The following FKBP4 variants were observed in gnomAD, a reference collection of about 807,000 sequenced individuals.
FKBP4 encodes the protein peptidyl-prolyl cis-trans isomerase FKBP4.
In FKBP4, 28 loss-of-function variants were observed where a neutral mutation model predicts 54.1. That is an observed-to-expected ratio of 0.52 (90% confidence interval 0.38 to 0.71). The LOEUF (loss-of-function observed/expected upper bound fraction) is 0.71. FKBP4 is among the 30% of genes least tolerant of loss of function. The probability of loss-of-function intolerance (pLI) is 0.00; values close to 1 mark genes in which losing one functional copy is unlikely to be tolerated. For synonymous variants in FKBP4, 223 were observed against 216.1 expected, an observed-to-expected ratio of 1.03 and a Z score of -0.28; for missense variants, 493 against 574.4, an observed-to-expected ratio of 0.86 and a Z score of 1.45.
intron 1 of FKBP4, chr12:2,796,590 C>A: frequency 8.5e-7 from 1 of 1,176,076 alleles, no homozygotes; most frequent in Admixed American, 3.8e-5. Context: ...CCATGGAGAG[C>A]CTCCGGGTTC....
intron 1 of FKBP4, chr12:2,796,626 C>G: frequency 8.7e-7 from 1 of 1,148,074 alleles, no homozygotes; most frequent in South Asian, 1.8e-5. Flanking sequence ...TCTTCCTTAC[C>G]TGTTTTGAAC....
Position 2,796,418 on chromosome 12 carries a change from A to T in FKBP4, c.106-720A>T, listed in dbSNP as rs539483350. On this transcript the variant is annotated intron_variant, in intron 1 of 9. Coordinates refer to ENST00000001008, the MANE Select transcript of FKBP4 (RefSeq NM_002014.4). The stretch of plus-strand genomic sequence containing the variant: ...ATCATTCCTTCCCTTTTACCTTTCT[A>T]CTCCTCAAAGCCCCTGTCTATTCTT... 24 of 1,279,360 alleles carry T rather than the reference A, an allele frequency of 1.9e-5. 1 individual carries two copies. In the South Asian group the frequency reaches 2.9e-4, roughly 15 times the overall value. The allele number at this position is 1,279,360 out of a possible 1,614,324, so 79.3% of individuals were successfully genotyped here. A position where few individuals can be genotyped will look rare whatever the true frequency, so the allele number is the denominator to read the frequency against.
At position 2,797,753 on chromosome 12, in the gene FKBP4, T is replaced by C. The variant is rs1187567413; in HGVS notation, c.275T>C (p.Ile92Thr). 6.2e-7 allele frequency: 1 copy of C among 1,613,686 alleles called. No homozygotes were observed. The highest frequency in any genetic ancestry group is 1.7e-5 in the Admixed American group (1 of 60,000). ...GGGGAGGTCATCAAGGCTTGGGACA[T>C]TGCCATAGCCACCATGAAGGTGGGG... Reference protein sequence around the residue: ...GKGEVIKAWDIAIATMKVGEV... With the variant: ...GKGEVIKAWDTAIATMKVGEV... The change falls in exon 3 of 10, where the codon ATT becomes ACT. Residue 92 changes from isoleucine to threonine, a missense_variant. Transcript: ENST00000001008.
At chr12:2,796,025 C>T in intron 1 of FKBP4, 1 of 1,163,510 alleles carries the variant, frequency 8.6e-7, no homozygotes, top group Non-Finnish European at 1.1e-6. Context: ...GACCGCTCGA[C>T]TACAAATAGC....
At position 2,795,009 on chromosome 12, in the gene FKBP4, C is replaced by G; in HGVS notation, c.-131C>G. On this transcript the variant is annotated 5_prime_UTR_variant, in exon 1 of 10. Transcript: ENST00000001008. This position sits in a 1 kb window ranked among gnomAD's most constrained non-coding sequence, Gnocchi z 4.3. The stretch of plus-strand genomic sequence containing the variant: ...CGCGCCGCGTGCAGAGGTGCTCAAG[C>G]CTCCTCGCGGTCCGCAGTCAGTGCC... 2 of 404,228 alleles carry G rather than the reference C, an allele frequency of 4.9e-6. No homozygotes were observed. Among genetic ancestry groups the G allele is most frequent in the Non-Finnish European group, 8.1e-6 (2 of 247,354 alleles). The allele number at this position is 404,228 out of a possible 1,614,324, so 25.0% of individuals were successfully genotyped here. A position where few individuals can be genotyped will look rare whatever the true frequency, so the allele number is the denominator to read the frequency against.
In FKBP4 at chr12:2,800,590, CAG is replaced by C. The variant is rs766468008; in HGVS notation, c.1032+16_1032+17del. On this transcript the variant is annotated intron_variant, in intron 8 of 9. Coordinates refer to ENST00000001008, the MANE Select transcript of FKBP4 (RefSeq NM_002014.4). The stretch of plus-strand genomic sequence containing the variant: ...AAGCTGTAACAAGGTGAGGCCCCCT[CAG>C]AGGTCATGGAAGCAGCATTCACAGG... 3.1e-6 allele frequency: 5 copies of C among 1,591,276 alleles called. 1 individual carries two copies. In the South Asian group the frequency reaches 5.7e-5, roughly 18 times the overall value.
Position 2,798,740 on chromosome 12 carries a change from CGGAAGA to C in FKBP4, c.435_440del (p.Glu145_Glu146del). 1 of 1,613,970 alleles carries C rather than the reference CGGAAGA, an allele frequency of 6.2e-7. No homozygotes were observed. Among genetic ancestry groups the C allele is most frequent in the Non-Finnish European group, 8.5e-7 (1 of 1,180,012 alleles). ...TTTGAGTTTAAGGGAGAAGATCTGA[CGGAAGA>C]GGAAGATGGCGGAATCATTCGCAGA... On this transcript the variant is annotated inframe_deletion, in exon 4 of 10. Transcript: ENST00000001008. This position sits in a 1 kb window ranked among gnomAD's most constrained non-coding sequence, Gnocchi z 4.3.
At chr12:2,801,589 G>C (rs546298303) in intron 9 of FKBP4, 2 of 636,916 alleles carry the variant, frequency 3.1e-6, no homozygotes, top group Middle Eastern at 2.6e-4. Flanking sequence ...TGTAATTCCC[G>C]ATTTATGTTT....
intron 3 of FKBP4, 25 bp downstream of exon 3, chr12:2,797,896 A>AG (rs1371648160): frequency 1.2e-6 from 2 of 1,604,224 alleles, no homozygotes; most frequent in Admixed American, 3.4e-5. Context: ...ACTGAGATCC[A>AG]GGCTAAGAGC....
At chr12:2,801,404 C>A (rs1054889765) in intron 9 of FKBP4, 48 bp downstream of exon 9, 9 of 1,607,808 alleles carry the variant, frequency 5.6e-6, no homozygotes, top group African/African-American at 2.7e-5. Context: ...CTCCACTTAA[C>A]CTGGCTACTG....
chr12:2,795,094 G>A lies in FKBP4; in HGVS notation c.-46G>A. On this transcript the variant is annotated 5_prime_UTR_variant, in exon 1 of 10. Coordinates refer to ENST00000001008, the MANE Select transcript of FKBP4 (RefSeq NM_002014.4). This position sits in a 1 kb window ranked among gnomAD's most constrained non-coding sequence, Gnocchi z 4.3. ...CGCCCCCGCCCGCGGCCCAGAGTGC[G>A]CTCGCGCCGGCACCAGCTCCCGGAT... The A allele has an allele frequency of 8.2e-7, 1 of 1,217,944 alleles. No homozygotes were observed. The highest frequency in any genetic ancestry group is 1.0e-6 in the Non-Finnish European group (1 of 954,230). The allele number at this position is 1,217,944 out of a possible 1,614,324, so 75.4% of individuals were successfully genotyped here.
Position 2,799,203 on chromosome 12 carries a change from C to A in FKBP4, c.630C>A (p.Arg210=), listed in dbSNP as rs751370254. 1 of 1,571,564 alleles carries A rather than the reference C, an allele frequency of 6.4e-7. No homozygotes were observed. The change falls in exon 5 of 10, where the codon CGC becomes CGA. Residue 210 remains arginine (R), a synonymous_variant. Coordinates refer to ENST00000001008, the MANE Select transcript of FKBP4 (RefSeq NM_002014.4). ...LPYGLERAIQ[R]MEKGEHSIVY... Reference sequence around the variant, plus strand: ...ATGGTCTGGAGAGGGCCATTCAGCGCATGGAGAAAGGAGAACATTCCATCG... The same window carrying A: ...ATGGTCTGGAGAGGGCCATTCAGCGAATGGAGAAAGGAGAACATTCCATCG...
chr12:2,802,392 C>CCACCCTG (rs2097905339), intron 9 of FKBP4, among the ~76,000 whole-genome samples: 1 of 152,166 alleles, frequency 6.6e-6, no homozygotes, highest in African/African-American at 2.4e-5. Flanking sequence ...CCCCTGCCTC[C>CCACCCTG]CAAAGTGGTG....
rs1296741308 is a variant in FKBP4, at chr12:2,803,460, T to G, written c.*202T>G. The G allele has an allele frequency of 1.1e-5, 6 of 568,968 alleles. No homozygotes were observed. The highest frequency in any genetic ancestry group is 2.9e-5 in the East Asian group (1 of 34,998). 35.2% of individuals were successfully genotyped at this position (568,968 alleles called of 1,614,324 possible). On this transcript the variant is annotated 3_prime_UTR_variant, in exon 10 of 10. Transcript: ENST00000001008. Reference sequence around the variant, plus strand: ...AATCATTTTAGCTGGTGTCAGCCCCTCTTCCCTTCCTCCATTGCACATGAA... The same window carrying G: ...AATCATTTTAGCTGGTGTCAGCCCCGCTTCCCTTCCTCCATTGCACATGAA...
chr12:2,801,629 C>T (rs1374173086), intron 9 of FKBP4: 1 of 544,576 alleles, frequency 1.8e-6, no homozygotes, highest in Non-Finnish European at 3.5e-6. Context: ...TGGCTCACAC[C>T]TGCAATCCCA....
rs1315589483 is a variant in FKBP4, at chr12:2,798,359, T to C, written c.394-347T>C. Among the ~76,000 whole-genome samples, 1 of 152,126 alleles carries C rather than the reference T, an allele frequency of 6.6e-6. No individual in the cohort carries two copies. The highest frequency in any genetic ancestry group is 1.5e-5 in the Non-Finnish European group (1 of 68,012). On this transcript the variant is annotated intron_variant, in intron 3 of 9. Coordinates refer to ENST00000001008, the MANE Select transcript of FKBP4 (RefSeq NM_002014.4). This position sits in a 1 kb window ranked among gnomAD's most constrained non-coding sequence, Gnocchi z 4.3. Reference sequence around the variant, plus strand: ...TGAATACTGAGAAACTGCTGAGAGATGTTGGGTAATCATTTCTAATACCTA... The same window carrying C: ...TGAATACTGAGAAACTGCTGAGAGACGTTGGGTAATCATTTCTAATACCTA...
intron 9 of FKBP4, among the ~76,000 whole-genome samples, chr12:2,802,304 A>G (rs980383300): frequency 1.3e-5 from 2 of 151,866 alleles, no homozygotes; most frequent in African/African-American, 2.4e-5. Context: ...CACCCGGCTA[A>G]TTTTTGTATT....
Position 2,801,760 on chromosome 12 carries a change from A to G in FKBP4, c.1272+404A>G. On this transcript the variant is annotated intron_variant, in intron 9 of 9. Coordinates refer to ENST00000001008, the MANE Select transcript of FKBP4 (RefSeq NM_002014.4). ...CAAAATGAAACCCCATCTCAAAAAA[A>G]GAAAAGCGAGATGCTTTTTGTGTGT... is the stretch of plus-strand genomic sequence containing the variant. 2.5e-5 allele frequency: 9 copies of G among 357,626 alleles called. 1 individual carries two copies. The highest frequency in any genetic ancestry group is 1.7e-4 in the South Asian group (8 of 48,268). 22.2% of individuals were successfully genotyped at this position (357,626 alleles called of 1,614,324 possible).
At chr12:2,796,375 T>C (rs2097901870) in intron 1 of FKBP4, 2 of 1,289,064 alleles carry the variant, frequency 1.6e-6, no homozygotes, top group Admixed American at 2.3e-5. Flanking sequence ...CCAGGAAAGC[T>C]CATTTCCCCT....
Sources: gnomAD v4.1 joint callset for allele counts (sites outside exome capture counted in the v4.1 genomes callset) on GRCh38, gnomAD v4.1.1 for gene constraint, Gnocchi (gnomAD v3.1) non-coding constraint, MANE v1.5 for transcripts, NCBI Gene and HGNC (gene_info 2026-07-23, HGNC 2026-07-21) for gene names.